RBFOX1: variants seen among roughly 807,000 people sequenced by gnomAD.
The protein encoded by RBFOX1 is RNA binding fox-1 homolog 1, also known as RNA binding protein fox-1 homolog 1.
In RBFOX1, 8 loss-of-function variants were observed where a neutral mutation model predicts 57.7. The observed-to-expected ratio is 0.14, with a 90% CI of 0.08 to 0.25. RBFOX1 has a LOEUF of 0.25. Ranked by LOEUF, RBFOX1 falls within the 10% of genes least tolerant of loss-of-function variation. RBFOX1 has a pLI of 1.00. For missense variants in RBFOX1, 611 were observed against 548.5 expected (o/e 1.11, Z -1.14); for synonymous variants, 326 against 222.4 (o/e 1.47, Z -4.15).
intron 3 of RBFOX1, among the ~76,000 whole-genome samples, chr16:7,039,739 C>T (rs774483902): frequency 4.6e-5 from 7 of 152,152 alleles, no homozygotes; most frequent in African/African-American, 1.7e-4. Flanking sequence ...ATGATTACAA[C>T]CATACGTCGG....
chr16:7,242,150 A>C (rs1194011983), intron 4 of RBFOX1, among the ~76,000 whole-genome samples: 1 of 152,172 alleles, frequency 6.6e-6, no homozygotes, highest in Non-Finnish European at 1.5e-5. Flanking sequence ...ACACATGCGC[A>C]CAGAGAAACC....
chr16:5,585,102 T>C (rs1360134839), intron 2 of RBFOX1, among the ~76,000 whole-genome samples: 5 of 152,082 alleles, frequency 3.3e-5, no homozygotes, highest in Non-Finnish European at 7.4e-5. Context: ...GTCACCTCTA[T>C]CTCATTCCAA....
intron 14 of RBFOX1, among the ~76,000 whole-genome samples, chr16:7,685,997 C>T (rs928741401): frequency 6.6e-6 from 1 of 152,010 alleles, no homozygotes; most frequent in Non-Finnish European, 1.5e-5. Flanking sequence ...CAACATTGAG[C>T]TAGTTGACCC....
chr16:6,410,703 A>C (rs2093432132), intron 2 of RBFOX1, among the ~76,000 whole-genome samples: 1 of 152,138 alleles, frequency 6.6e-6, no homozygotes, highest in Non-Finnish European at 1.5e-5. Context: ...ACGTTGAATC[A>C]CGTGTGTCTA....
At chr16:6,123,924 A>G (rs2096569814) in intron 1 of RBFOX1, among the ~76,000 whole-genome samples, 2 of 152,204 alleles carry the variant, frequency 1.3e-5, no homozygotes, top group South Asian at 4.1e-4. Flanking sequence ...GGTAAATTTT[A>G]TGTTAGGCAT....
At chr16:7,068,707 C>T (rs1427786171) in intron 4 of RBFOX1, among the ~76,000 whole-genome samples, 1 of 152,104 alleles carries the variant, frequency 6.6e-6, no homozygotes, top group African/African-American at 2.4e-5. Flanking sequence ...CCTGTCTCAG[C>T]CTCCCAAGTA....
At chr16:6,939,997 G>C (rs74815614) in intron 3 of RBFOX1, among the ~76,000 whole-genome samples, 2,220 of 152,234 alleles carry the variant, frequency 0.015, 51 homozygotes, top group African/African-American at 0.051. Context: ...ATCATCCATA[G>C]CACTTTGAAA....
chr16:7,692,838 A>G (rs776237180), intron 14 of RBFOX1, among the ~76,000 whole-genome samples: 31 of 152,146 alleles, frequency 2.0e-4, no homozygotes, highest in Non-Finnish European at 4.3e-4. Flanking sequence ...ATTATTATCC[A>G]TAACACATCA....
intron 4 of RBFOX1, among the ~76,000 whole-genome samples, chr16:7,222,013 T>TAG (rs1402265371): frequency 6.6e-6 from 1 of 152,218 alleles, no homozygotes; most frequent in East Asian, 1.9e-4. Context: ...TTACCATTAT[T>TAG]AGCCAGCCTG....
chr16:5,924,571 C>A (rs1047291692), intron 4 of RBFOX1, among the ~76,000 whole-genome samples: 3 of 152,190 alleles, frequency 2.0e-5, no homozygotes, highest in Non-Finnish European at 4.4e-5. Context: ...AACTCCCCTT[C>A]ATTTTCCACC....
intron 2 of RBFOX1, among the ~76,000 whole-genome samples, chr16:5,469,279 A>AC (rs1194888851): frequency 4.0e-5 from 6 of 151,754 alleles, no homozygotes; most frequent in Non-Finnish European, 5.9e-5. Context: ...TCCCCAGCAC[A>AC]CCCCCCATGT....
chr16:7,503,280 T>C (rs574024343), intron 4 of RBFOX1, among the ~76,000 whole-genome samples: 1 of 152,096 alleles, frequency 6.6e-6, no homozygotes, highest in East Asian at 1.9e-4. Flanking sequence ...CACGGCAGAG[T>C]TGCTGTCTCT....
intron 4 of RBFOX1, among the ~76,000 whole-genome samples, chr16:5,977,760 C>T (rs1200432553): frequency 6.6e-6 from 1 of 152,100 alleles, no homozygotes; most frequent in Non-Finnish European, 1.5e-5. Flanking sequence ...GTGGGGCAGG[C>T]AACTAGCCCA....
chr16:6,656,965 C>T (rs1252297478), intron 3 of RBFOX1, among the ~76,000 whole-genome samples: 1 of 70,364 alleles, frequency 1.4e-5, no homozygotes, highest in African/African-American at 6.1e-5. Flanking sequence ...CCCCTTTCCT[C>T]TCCTCTCCTC....
chr16:7,534,822 C>T (rs912854720), intron 5 of RBFOX1, among the ~76,000 whole-genome samples: 5 of 152,088 alleles, frequency 3.3e-5, no homozygotes, highest in African/African-American at 1.2e-4. Context: ...TCACCCTGGG[C>T]TGCTCAAACG....
At chr16:7,447,430 C>CAAAAAAAAAAAAAAAAAA (rs202234230) in intron 4 of RBFOX1, among the ~76,000 whole-genome samples, 5 of 98,534 alleles carry the variant, frequency 5.1e-5, no homozygotes, top group African/African-American at 1.9e-4. Flanking sequence ...GAGTCTATCT[C>CAAAAAAAAAAAAAAAAAA]AAAAAAAAAA....
chr16:7,029,255 CACAT>C lies in RBFOX1; in HGVS notation c.-15-22800_-15-22797del, dbSNP rs1199758857. ...ATATACGTATACGTATATATATACA[CACAT>C]ATATATACGTATACGTATATATATA... On this transcript the variant is annotated intron_variant, in intron 3 of 15. Coordinates refer to ENST00000550418, the MANE Select transcript of RBFOX1 (RefSeq NM_018723.4). 5.2e-5 allele frequency among the ~76,000 whole-genome samples: 5 copies of C among 95,970 alleles called. 1 individual carries two copies. The highest frequency in any genetic ancestry group is 4.1e-4 in the Admixed American group (4 of 9,730). 63.0% of individuals were successfully genotyped at this position (95,970 alleles called of 152,430 possible).
intron 1 of RBFOX1, among the ~76,000 whole-genome samples, chr16:5,392,319 G>C (rs547534840): frequency 6.6e-4 from 100 of 152,124 alleles, no homozygotes; most frequent in Admixed American, 6.2e-3. Context: ...TAAGGGCATA[G>C]TCACATCATA....
chr16:6,616,263 A>G (rs2098139533), intron 2 of RBFOX1, among the ~76,000 whole-genome samples: 2 of 152,328 alleles, frequency 1.3e-5, no homozygotes, highest in South Asian at 4.1e-4. Flanking sequence ...TAAAAATTAT[A>G]TTAACTTATT....
Sources: allele counts gnomAD v4.1 joint callset (sites outside exome capture counted in the v4.1 genomes callset), GRCh38; gene constraint gnomAD v4.1.1; transcripts MANE v1.5; gene names NCBI Gene and HGNC (gene_info 2026-07-23, HGNC 2026-07-21).